TNNT1: variants seen among roughly 807,000 people sequenced by gnomAD.
TNNT1 encodes troponin T1, slow skeletal type.
Under a neutral mutation model 50.6 loss-of-function variants are expected in TNNT1, and 53 were observed. The observed-to-expected ratio is 1.05, with a 90% CI of 0.84 to 1.32. TNNT1 has a LOEUF of 1.32. TNNT1 is among the 40% of genes most tolerant of loss of function. The pLI, the probability that TNNT1 is intolerant of heterozygous loss-of-function variation, is 0.00. For synonymous variants in TNNT1, 142 were observed against 138.0 expected (o/e 1.03, Z -0.20); for missense variants, 348 against 381.7 (o/e 0.91, Z 0.74).
chr19:55,147,376 TG>T (rs751497913), intron 1 of TNNT1: 1,992 of 114,156 alleles, frequency 0.017, 34 homozygotes, highest in Non-Finnish European at 0.021. Context: ...AAGGAGGGGC[TG>T]GGGGCCTGGA....
At chr19:55,133,954 G>T in intron 12 of TNNT1, 27 bp from the exon 13 acceptor site, 1 of 1,608,640 alleles carries the variant, frequency 6.2e-7, no homozygotes, top group Non-Finnish European at 8.5e-7. Context: ...CAGATGCTGG[G>T]ACAGCCGGTG....
rs1388792779 is a variant in TNNT1, at chr19:55,132,709, C to A, written c.*206G>T. 3.2e-6 allele frequency: 2 copies of A among 616,198 alleles called. No homozygotes were observed. Among genetic ancestry groups the A allele is most frequent in the African/African-American group, 1.8e-5 (1 of 54,330 alleles). The allele number at this position is 616,198 out of a possible 1,614,324, so 38.2% of individuals were successfully genotyped here. A position where few individuals can be genotyped will look rare whatever the true frequency, so the allele number is the denominator to read the frequency against. ...CCACCAGCAGTGTGTGAAGGTTCAG[C>A]CTGCCGTACTTTAATGATTATTGGT... On this transcript the variant is annotated 3_prime_UTR_variant, in exon 14 of 14. Coordinates refer to ENST00000588981, the MANE Select transcript of TNNT1 (RefSeq NM_003283.6).
intron 9 of TNNT1, among the ~76,000 whole-genome samples, chr19:55,139,375 G>T (rs1568840788): frequency 6.6e-6 from 1 of 152,178 alleles, no homozygotes; most frequent in Non-Finnish European, 1.5e-5. Context: ...TTACAGCTCT[G>T]CAGATCAGAC....
At chr19:55,143,049 A>G (rs561205522) in intron 6 of TNNT1, among the ~76,000 whole-genome samples, 3 of 151,786 alleles carry the variant, frequency 2.0e-5, no homozygotes, top group Non-Finnish European at 2.9e-5. Flanking sequence ...CGTGCCTGTA[A>G]TCCCTGCTAC....
Position 55,141,917 on chromosome 19 carries a change from GC to G in TNNT1, c.131del (p.Arg44ProfsTer7). The stretch of plus-strand genomic sequence containing the variant: ...GCGGGATCAAAGGAGGCACCACGGG[GC>G]GGCTGAGTGGACAGAAACACAGAGA... The part of the protein sequence containing the change: ...EPEEERPKPS[R>X]PVVPPLIPPK... On this transcript the variant is annotated frameshift_variant and splice_region_variant, in exon 7 of 14. Transcript: ENST00000588981. LOFTEE classifies it high-confidence loss of function. 1 of 1,614,060 alleles carries G rather than the reference GC, an allele frequency of 6.2e-7. No homozygotes were observed. Among genetic ancestry groups the G allele is most frequent in the Non-Finnish European group, 8.5e-7 (1 of 1,179,974 alleles).
chr19:55,148,548 C>A (rs775589963), intron 1 of TNNT1, among the ~76,000 whole-genome samples: 1 of 151,782 alleles, frequency 6.6e-6, no homozygotes, highest in Non-Finnish European at 1.5e-5. Context: ...TCTGAAATCC[C>A]AGTTCTTGAT....
At chr19:55,137,876 C>T in intron 10 of TNNT1, 85 bp downstream of exon 10, 2 of 1,540,592 alleles carry the variant, frequency 1.3e-6, no homozygotes, top group Non-Finnish European at 1.8e-6. Flanking sequence ...AGGCCTCAGC[C>T]CCTCCTCCGT....
chr19:55,137,082 CGA>C lies in TNNT1; in HGVS notation c.611+19_611+20del. On this transcript the variant is annotated intron_variant, in intron 11 of 13. Coordinates refer to ENST00000588981, the MANE Select transcript of TNNT1 (RefSeq NM_003283.6). ...GTCTCACACCCAGGCCCCTACACCC[CGA>C]GCCCCCCACAGCACCTACCGGAGCT... 7.0e-7 allele frequency: 1 copy of C among 1,426,696 alleles called. No homozygotes were observed. The highest frequency in any genetic ancestry group is 9.9e-7 in the Non-Finnish European group (1 of 1,014,882). 88.4% of individuals were successfully genotyped at this position (1,426,696 alleles called of 1,614,324 possible).
chr19:55,144,073 T>C (rs533334369), intron 6 of TNNT1, among the ~76,000 whole-genome samples: 8,185 of 34,080 alleles, frequency 0.24, 191 homozygotes, highest in Middle Eastern at 0.35. Flanking sequence ...CCCCACCCCC[T>C]TTTTTTTTTT....
Position 55,137,987 on chromosome 19 carries a change from C to A in TNNT1, c.475G>T (p.Ala159Ser), listed in dbSNP as rs1326590795. 2 of 1,614,194 alleles carry A rather than the reference C, an allele frequency of 1.2e-6. No individual in the cohort carries two copies. Among genetic ancestry groups the A allele is most frequent in the Admixed American group, 3.3e-5 (2 of 60,026 alleles). ...TTGACCAGGTAGCCGCCAAAATGGG[C>A]CCCCATGTTGGACAGCACCTTCTTT... is the stretch of plus-strand genomic sequence containing the variant. Reference protein sequence around the residue: ...KKKKVLSNMGAHFGGYLVKAE... With the variant: ...KKKKVLSNMGSHFGGYLVKAE... The change falls in exon 10 of 14, where the codon GCC becomes TCC. Residue 159 changes from alanine to serine, a missense_variant. By Grantham distance (99) the Ala-to-Ser change is moderately conservative. This residue lies in a region of TNNT1 where 253 missense variants were observed against 291.8 expected (regional missense o/e 0.87). Coordinates refer to ENST00000588981, the MANE Select transcript of TNNT1 (RefSeq NM_003283.6).
In TNNT1 at chr19:55,147,090, A is replaced by G. The variant is rs560256831; in HGVS notation, c.32+36T>C. ...CCTGGGGTGGGAGAGCCTCTCCACCACTGCACGCCCCAACCCCTCCCAGTG... is the reference window on the plus strand; with the variant it reads ...CCTGGGGTGGGAGAGCCTCTCCACCGCTGCACGCCCCAACCCCTCCCAGTG... On this transcript the variant is annotated intron_variant, in intron 2 of 13. Coordinates refer to ENST00000588981, the MANE Select transcript of TNNT1 (RefSeq NM_003283.6). 6 of 1,613,572 alleles carry G rather than the reference A, an allele frequency of 3.7e-6. No homozygotes were observed. The South Asian group carries it at 6.6e-5, about 18-fold the overall frequency.
chr19:55,137,142 T>G lies in TNNT1; in HGVS notation c.572A>C (p.Lys191Thr). The change falls in exon 11 of 14, where the codon AAG becomes ACG. Residue 191 changes from lysine to threonine, a missense_variant. Physicochemically the swap from Lys to Thr is moderately conservative, Grantham distance 78. Coordinates refer to ENST00000588981, the MANE Select transcript of TNNT1 (RefSeq NM_003283.6). ...MKVRILSERK[K>T]PLDIDYMGEE... The stretch of plus-strand genomic sequence containing the variant: ...CCCCATGTAGTCAATGTCCAGAGGC[T>G]TCTTACGCTCGGAGAGGATGCGCAC... 1 of 1,594,148 alleles carries G rather than the reference T, an allele frequency of 6.3e-7. No individual in the cohort carries two copies. The highest frequency in any genetic ancestry group is 1.1e-5 in the South Asian group (1 of 90,712).
chr19:55,146,957 G>A, intron 3 of TNNT1, 51 bp downstream of exon 3: 2 of 1,552,286 alleles, frequency 1.3e-6, no homozygotes, highest in Non-Finnish European at 1.7e-6. Flanking sequence ...CCCCTCCCAA[G>A]AGCTCCTGGG....
chr19:55,146,582 C>T (rs999569366), intron 4 of TNNT1, 99 bp downstream of exon 4: 31 of 1,224,626 alleles, frequency 2.5e-5, no homozygotes, highest in Non-Finnish European at 3.0e-5. Context: ...GGACCGGGAG[C>T]CGAGGCCGTC....
intron 11 of TNNT1, 78 bp from the exon 12 acceptor site, chr19:55,134,282 G>T: frequency 2.2e-6 from 3 of 1,393,832 alleles, no homozygotes; most frequent in Non-Finnish European, 3.0e-6. Context: ...GAGACTGTGA[G>T]TTCAGCGTTG....
At chr19:55,141,967 A>G (rs1369934060) in intron 6 of TNNT1, 47 bp from the exon 7 acceptor site, 24 of 1,594,642 alleles carry the variant, frequency 1.5e-5, no homozygotes, top group Non-Finnish European at 2.1e-5. Context: ...GACCTCCCTG[A>G]GCCACCTCCC....
At chr19:55,140,743 C>T in intron 9 of TNNT1, 140 bp downstream of exon 9, 3 of 518,622 alleles carry the variant, frequency 5.8e-6, no homozygotes, top group Non-Finnish European at 8.7e-6. Context: ...TGCCACTGCA[C>T]TCCAGCCTGG....
chr19:55,137,582 C>A (rs541091522), intron 10 of TNNT1, among the ~76,000 whole-genome samples: 7 of 125,628 alleles, frequency 5.6e-5, no homozygotes, highest in African/African-American at 1.7e-4. Flanking sequence ...GGAGTGCAGG[C>A]CCCCAGCCCC....
intron 6 of TNNT1, among the ~76,000 whole-genome samples, chr19:55,143,376 C>G (rs1268260797): frequency 6.6e-6 from 1 of 152,154 alleles, no homozygotes; most frequent in South Asian, 2.1e-4. Context: ...AGGCTCAGCC[C>G]TCAGCCTGCT....
Sources: allele counts gnomAD v4.1 joint callset (sites outside exome capture counted in the v4.1 genomes callset), GRCh38; gene constraint gnomAD v4.1.1; regional missense constraint gnomAD v4.1.1; transcripts MANE v1.5; gene names NCBI Gene and HGNC (gene_info 2026-07-23, HGNC 2026-07-21).